The following ZNF141 variants were observed in gnomAD, a reference collection of about 807,000 sequenced individuals.
ZNF141 encodes zinc finger protein 141 (clone pHZ-44).
ZNF141 carries 7 observed loss-of-function variants against 11.3 expected under a neutral mutation model. That is an observed-to-expected ratio of 0.62 (90% CI 0.35 to 1.16). ZNF141 has a LOEUF of 1.16. Among genes scored for constraint, ZNF141 ranks in the 50% most tolerant of loss-of-function variants. The pLI is 0.02. For missense variants in ZNF141, 535 were observed against 554.0 expected (o/e 0.97, Z 0.34); for synonymous variants, 183 against 190.7 (o/e 0.96, Z 0.33).
intron 3 of ZNF141, among the ~76,000 whole-genome samples, chr4:356,996 T>G (rs1721873133): frequency 6.6e-6 from 1 of 152,178 alleles, no homozygotes; most frequent in Non-Finnish European, 1.5e-5. Flanking sequence ...ACTTTGTTAC[T>G]CAGGCTATAG....
intron 3 of ZNF141, among the ~76,000 whole-genome samples, chr4:364,058 A>G (rs1244266614): frequency 6.6e-6 from 1 of 152,148 alleles, no homozygotes; most frequent in African/African-American, 2.4e-5. Context: ...ATCATGGTAG[A>G]TGAGCTTTTT....
intron 3 of ZNF141, among the ~76,000 whole-genome samples, chr4:360,667 A>T (rs993578752): frequency 6.6e-6 from 1 of 152,060 alleles, no homozygotes; most frequent in African/African-American, 2.4e-5. Flanking sequence ...TGTACCTTTT[A>T]TGACCATGTA....
chr4:344,337 G>A lies in ZNF141; in HGVS notation c.133G>A (p.Val45Ile). The A allele has an allele frequency of 1.9e-6, 3 of 1,606,486 alleles. No individual in the cohort carries two copies. The highest frequency in any genetic ancestry group is 1.7e-6 in the Non-Finnish European group (2 of 1,174,784). ...TTATTTTTTTTAAAATAAAACAGGT[G>A]TTGCTATCTCTAACCCAGACCTGGT... ...ENYRNLVSLG[V>I]AISNPDLVTC... The change falls in exon 3 of 4, where the codon GTT becomes ATT. Residue 45 changes from valine (V) to isoleucine (I), a missense_variant and splice_region_variant. By Grantham distance (29) the Val-to-Ile change is conservative (BLOSUM62 3). Transcript: ENST00000240499.
In ZNF141 at chr4:375,505, G is replaced by A. The variant is rs1337794640; in HGVS notation, c.*1643G>A. On this transcript the variant is annotated 3_prime_UTR_variant, in exon 4 of 4. Coordinates refer to ENST00000240499, the MANE Select transcript of ZNF141 (RefSeq NM_003441.4). ...ATATTTAGTCTAAAAAGAAGAGTAT[G>A]TAAACATCAGAGGATTTACAGTAGA... Among the ~76,000 whole-genome samples the A allele has an allele frequency of 1.3e-5, 2 of 151,982 alleles. No individual in the cohort carries two copies. Among genetic ancestry groups the A allele is most frequent in the Non-Finnish European group, 2.9e-5 (2 of 67,906 alleles).
At chr4:365,791 T>TAA (rs1711715630) in intron 3 of ZNF141, among the ~76,000 whole-genome samples, 3 of 152,246 alleles carry the variant, frequency 2.0e-5, no homozygotes, top group Non-Finnish European at 4.4e-5. Flanking sequence ...TTTAAATCTT[T>TAA]ATTTGCGATT....
At chr4:355,010 T>C (rs1271165699) in intron 3 of ZNF141, among the ~76,000 whole-genome samples, 3 of 152,096 alleles carry the variant, frequency 2.0e-5, no homozygotes, top group Non-Finnish European at 2.9e-5. Context: ...ATATAAATTA[T>C]ACTGTTACTA....
chr4:341,064 AC>A (rs782178658), intron 1 of ZNF141, among the ~76,000 whole-genome samples: 72 of 144,372 alleles, frequency 5.0e-4, no homozygotes, highest in African/African-American at 1.0e-3. Flanking sequence ...GGTCAAAAAA[AC>A]ATTTTTCTTT....
chr4:346,893 A>ACACACCCC (rs373224939), intron 3 of ZNF141, among the ~76,000 whole-genome samples: 29 of 135,460 alleles, frequency 2.1e-4, no homozygotes, highest in African/African-American at 5.7e-4. Flanking sequence ...ACACACACAC[A>ACACACCCC]CCGCCCCCCC....
intron 3 of ZNF141, among the ~76,000 whole-genome samples, chr4:369,687 G>A (rs897942385): frequency 3.8e-5 from 5 of 131,882 alleles, no homozygotes; most frequent in Admixed American, 3.2e-4. Context: ...ATACTTTTGT[G>A]TATCTATACC....
chr4:338,264 G>C (rs1179402199), intron 1 of ZNF141: 1 of 415,890 alleles, frequency 2.4e-6, no homozygotes, highest in Non-Finnish European at 4.4e-6. Context: ...CCCGCGCGGC[G>C]TGCGCGATGC....
At position 360,109 on chromosome 4, in the gene ZNF141, C is replaced by T. The variant is rs116976302; in HGVS notation, c.227-12555C>T. Among the ~76,000 whole-genome samples the T allele has an allele frequency of 3.9e-4, 60 of 152,352 alleles. No homozygotes were observed. In the East Asian group the frequency reaches 0.01, roughly 26 times the overall value. On this transcript the variant is annotated intron_variant, in intron 3 of 3. Transcript: ENST00000240499. Reference sequence around the variant, plus strand: ...CAAGCAAGGGCACACCCTCTCAATACAGCCCTCCTCAGTCTTCGGTTCGCA... The same window carrying T: ...CAAGCAAGGGCACACCCTCTCAATATAGCCCTCCTCAGTCTTCGGTTCGCA...
intron 3 of ZNF141, among the ~76,000 whole-genome samples, chr4:371,988 T>C (rs782592938): frequency 2.0e-5 from 3 of 152,256 alleles, no homozygotes; most frequent in Admixed American, 6.5e-5. Context: ...CTGAAACCAA[T>C]TGTCCTTGAT....
chr4:377,300 T>C lies in ZNF141; in HGVS notation c.*3438T>C, dbSNP rs1257566754. On this transcript the variant is annotated 3_prime_UTR_variant, in exon 4 of 4. Transcript: ENST00000240499. ...GTAATAGATGCTTCATAATTAGCCA[T>C]AAATATTCCTGGAGTTAGTTTGTAG... is the stretch of plus-strand genomic sequence containing the variant. Among the ~76,000 whole-genome samples the C allele has an allele frequency of 6.6e-6, 1 of 152,190 alleles. No homozygotes were observed. The highest frequency in any genetic ancestry group is 1.5e-5 in the Non-Finnish European group (1 of 68,036).
Position 379,238 on chromosome 4 carries a change from T to C in ZNF141, c.*5376T>C, listed in dbSNP as rs114280456. 7.9e-3 allele frequency among the ~76,000 whole-genome samples: 1,199 copies of C among 152,324 alleles called. 16 individuals carry two copies. Among genetic ancestry groups the C allele is most frequent in the African/African-American group, 0.027 (1,140 of 41,576 alleles). ...ACTTGCCCTTTTAGTGTCTTACATA[T>C]GTATGATTACCATCAGCACTAGAAA... On this transcript the variant is annotated 3_prime_UTR_variant, in exon 4 of 4. Transcript: ENST00000240499.
At chr4:339,170 GGT>G (rs1720934519) in intron 1 of ZNF141, among the ~76,000 whole-genome samples, 2 of 152,234 alleles carry the variant, frequency 1.3e-5, no homozygotes, top group Non-Finnish European at 2.9e-5. Flanking sequence ...TTTGCTCCTA[GGT>G]TTTTCTCCCA....
chr4:340,749 A>G (rs530047964), intron 1 of ZNF141, among the ~76,000 whole-genome samples: 1 of 152,230 alleles, frequency 6.6e-6, no homozygotes, highest in Admixed American at 6.5e-5. Flanking sequence ...GTTGTTTGCT[A>G]TTGCCACAAG....
At chr4:369,764 A>ATATATATATATATAT in intron 3 of ZNF141, among the ~76,000 whole-genome samples, 1 of 48,744 alleles carries the variant, frequency 2.1e-5, no homozygotes, top group Non-Finnish European at 3.1e-5. Context: ...ATATATATAT[A>ATATATATATATATAT]TTTTTTTTTT....
rs781751558 is a variant in ZNF141, at chr4:348,886, TTGAATCTA to T, written c.226+4458_226+4465del. On this transcript the variant is annotated intron_variant, in intron 3 of 3. Transcript: ENST00000240499. ...CAATAAAATTTTGATAGGGATCACA[TTGAATCTA>T]TAGATCACTTTGGATAATATTCTTT... is the stretch of plus-strand genomic sequence containing the variant. Among the ~76,000 whole-genome samples, 667 of 152,348 alleles carry T rather than the reference TTGAATCTA, an allele frequency of 4.4e-3. 7 individuals carry two copies. The highest frequency in any genetic ancestry group is 7.1e-3 in the Non-Finnish European group (480 of 68,028).
chr4:364,931 C>T (rs369806912), intron 3 of ZNF141, among the ~76,000 whole-genome samples: 2 of 152,248 alleles, frequency 1.3e-5, no homozygotes, highest in Non-Finnish European at 2.9e-5. Flanking sequence ...TGCCCTCCCC[C>T]CAGAGGTGGA....
Sources: gnomAD v4.1 joint callset for allele counts (sites outside exome capture counted in the v4.1 genomes callset) on GRCh38, gnomAD v4.1.1 for gene constraint, MANE v1.5 for transcripts, NCBI Gene and HGNC (gene_info 2026-07-23, HGNC 2026-07-21) for gene names.